ELP3: variants seen among roughly 807,000 people sequenced by gnomAD.
ELP3 encodes the protein elongator acetyltransferase complex subunit 3.
ELP3 carries 56 observed loss-of-function variants against 74.9 expected under a neutral mutation model. The observed-to-expected ratio is 0.75, with a 90% CI of 0.60 to 0.93. The LOEUF is 0.93. Ranked by LOEUF, ELP3 falls within the 40% of genes least tolerant of loss-of-function variation. The pLI is 0.00. For synonymous variants in ELP3, 222 were observed against 239.8 expected, an observed-to-expected ratio of 0.93 and a Z score of 0.68; for missense variants, 573 against 686.5, an observed-to-expected ratio of 0.83 and a Z score of 1.85.
At chr8:28,090,403 G>C (rs1811020154), upstream of ELP3, 1 of 347,258 alleles carries the variant, frequency 2.9e-6, no homozygotes, top group Non-Finnish European at 5.6e-6. Flanking sequence ...TCCATAGTCT[G>C]GTGAGTGTAG....
chr8:28,137,925 G>T, intron 10 of ELP3, 34 bp downstream of exon 10: 1 of 1,513,064 alleles, frequency 6.6e-7, no homozygotes, highest in Non-Finnish European at 8.8e-7. Flanking sequence ...AAAATAGTTG[G>T]TGACTAGTCT....
At chr8:28,183,200 A>G (rs778795052) in intron 14 of ELP3, 9 of 461,182 alleles carry the variant, frequency 2.0e-5, no homozygotes, top group Non-Finnish European at 3.5e-5. Context: ...AAAGGGGTGG[A>G]TGTCCTGGGG....
At chr8:28,144,020 T>C (rs958648406) in intron 10 of ELP3, among the ~76,000 whole-genome samples, 2 of 152,230 alleles carry the variant, frequency 1.3e-5, no homozygotes, top group Non-Finnish European at 2.9e-5. Context: ...GGTATTAATT[T>C]GCATTTCCCT....
chr8:28,097,340 G>C (rs1287018897), intron 2 of ELP3, 22 bp downstream of exon 2: 2 of 1,526,502 alleles, frequency 1.3e-6, no homozygotes, highest in African/African-American at 2.7e-5. Flanking sequence ...TAAAGAGAGA[G>C]CAAGCTTGTT....
chr8:28,141,805 G>T (rs1243370212), intron 10 of ELP3, among the ~76,000 whole-genome samples: 2 of 152,142 alleles, frequency 1.3e-5, no homozygotes, highest in Admixed American at 1.3e-4. Flanking sequence ...AAGACGATTT[G>T]CATGTATAAC....
At chr8:28,163,679 G>T (rs1216719612) in intron 14 of ELP3, among the ~76,000 whole-genome samples, 2 of 152,182 alleles carry the variant, frequency 1.3e-5, no homozygotes, top group Non-Finnish European at 2.9e-5. Flanking sequence ...ACCTGTGGTT[G>T]ATCAGAAGTA....
intron 7 of ELP3, among the ~76,000 whole-genome samples, chr8:28,123,631 A>G (rs1285558802): frequency 6.6e-6 from 1 of 151,840 alleles, no homozygotes; most frequent in Non-Finnish European, 1.5e-5. Context: ...TGATTGAGGA[A>G]CTCTGTACAT....
intron 10 of ELP3, among the ~76,000 whole-genome samples, chr8:28,143,039 G>T (rs1813305659): frequency 1.3e-5 from 2 of 152,030 alleles, no homozygotes; most frequent in African/African-American, 4.8e-5. Context: ...ATTATATTTT[G>T]CTACTTCCTT....
chr8:28,111,845 G>T (rs1811930159), intron 6 of ELP3, among the ~76,000 whole-genome samples: 1 of 152,160 alleles, frequency 6.6e-6, no homozygotes, highest in African/African-American at 2.4e-5. Flanking sequence ...ACCTCGGGAG[G>T]TTCTGATTAA....
At chr8:28,160,524 G>A in intron 13 of ELP3, 68 bp downstream of exon 13, 9 of 1,396,220 alleles carry the variant, frequency 6.4e-6, no homozygotes, top group African/African-American at 2.9e-5. Flanking sequence ...AAAAGGAATG[G>A]GGTGAAGAGA....
chr8:28,137,649 G>A (rs1019614389), intron 9 of ELP3, 49 bp from the exon 10 acceptor site: 11 of 1,568,890 alleles, frequency 7.0e-6, no homozygotes, highest in Non-Finnish European at 9.5e-6. Context: ...CACCCTCGGT[G>A]ATCTCTGCAT....
chr8:28,172,716 A>G (rs1046966924), intron 14 of ELP3, among the ~76,000 whole-genome samples: 2 of 151,932 alleles, frequency 1.3e-5, no homozygotes, highest in Non-Finnish European at 2.9e-5. Context: ...CTGGCTTCTG[A>G]TCTTAGGGGG....
At chr8:28,105,251 A>G (rs1019581351) in intron 3 of ELP3, among the ~76,000 whole-genome samples, 3 of 152,040 alleles carry the variant, frequency 2.0e-5, no homozygotes, top group East Asian at 1.9e-4. Flanking sequence ...TTAGCCAGGC[A>G]TGGTGGCACA....
chr8:28,161,610 G>GAAAAAAAA (rs1163846087), intron 13 of ELP3, among the ~76,000 whole-genome samples: 1 of 60,608 alleles, frequency 1.6e-5, no homozygotes, highest in Non-Finnish European at 3.7e-5. Flanking sequence ...CGTCTCAAGA[G>GAAAAAAAA]AAAAAAAAAA....
chr8:28,182,911 T>C (rs1034024778), intron 14 of ELP3, among the ~76,000 whole-genome samples: 5 of 152,164 alleles, frequency 3.3e-5, no homozygotes, highest in Non-Finnish European at 7.3e-5. Context: ...CTGGGTCTCC[T>C]CCGGGTTGGA....
upstream of ELP3, chr8:28,092,909 A>G: frequency 2.0e-6 from 1 of 506,610 alleles, no homozygotes; most frequent in Non-Finnish European, 3.6e-6. Context: ...TCTGTCCCAT[A>G]GCTGTACTGC....
chr8:28,160,535 A>C, intron 13 of ELP3, 79 bp downstream of exon 13: 1 of 1,268,518 alleles, frequency 7.9e-7, no homozygotes. Context: ...GGTGAAGAGA[A>C]GAGGAAGAGG....
chr8:28,182,837 C>T (rs1006858812), intron 14 of ELP3, among the ~76,000 whole-genome samples: 4 of 152,168 alleles, frequency 2.6e-5, no homozygotes, highest in Admixed American at 6.5e-5. Context: ...CAGAGGATTT[C>T]TTTCTCATCA....
At chr8:28,144,735 T>C (rs1813366578) in intron 10 of ELP3, among the ~76,000 whole-genome samples, 1 of 152,248 alleles carries the variant, frequency 6.6e-6, no homozygotes, top group Non-Finnish European at 1.5e-5. Context: ...ATGTCTAGAC[T>C]TTTAGAAAGA....
Sources: allele counts gnomAD v4.1 joint callset (sites outside exome capture counted in the v4.1 genomes callset), GRCh38; gene constraint gnomAD v4.1.1; transcripts MANE v1.5; gene names NCBI Gene and HGNC (gene_info 2026-07-23, HGNC 2026-07-21).